LMX1A: variants seen among roughly 807,000 people sequenced by gnomAD.
The protein encoded by LMX1A is LIM homeobox transcription factor 1-alpha.
Under a neutral mutation model 49.1 loss-of-function variants are expected in LMX1A, and 15 were observed. The ratio of observed to expected loss-of-function variants is 0.31; its 90% CI spans 0.20 to 0.47. The LOEUF is 0.47. LMX1A is among the 20% of genes least tolerant of loss of function. The pLI is 1.00. For synonymous variants in LMX1A, 167 were observed against 185.7 expected (o/e 0.90, Z 0.82); for missense variants, 372 against 475.8 (o/e 0.78, Z 2.03).
intron 3 of LMX1A, among the ~76,000 whole-genome samples, chr1:165,257,014 C>G (rs1008765340): frequency 2.0e-5 from 3 of 151,732 alleles, no homozygotes; most frequent in African/African-American, 7.3e-5. Context: ...ATTGTTAGAA[C>G]ATATTTCAGC....
At chr1:165,275,377 T>C (rs1653933963) in intron 3 of LMX1A, among the ~76,000 whole-genome samples, 1 of 152,192 alleles carries the variant, frequency 6.6e-6, no homozygotes, top group Non-Finnish European at 1.5e-5. Context: ...AGTCTGGGCT[T>C]TGTTGGAGAG....
At chr1:165,290,759 T>G (rs1420015954) in intron 3 of LMX1A, among the ~76,000 whole-genome samples, 1 of 152,226 alleles carries the variant, frequency 6.6e-6, no homozygotes, top group Non-Finnish European at 1.5e-5. Context: ...AATGCGGTTC[T>G]CAAAGTGTAG....
chr1:165,216,153 T>G (rs1292871221), intron 4 of LMX1A: 1 of 152,164 alleles, frequency 6.6e-6, no homozygotes, highest in African/African-American at 2.4e-5. Flanking sequence ...TAAGCTGATC[T>G]CAGACATAAC....
At chr1:165,208,550 T>G (rs567158777) in intron 6 of LMX1A, among the ~76,000 whole-genome samples, 1 of 152,266 alleles carries the variant, frequency 6.6e-6, no homozygotes, top group Admixed American at 6.5e-5. Flanking sequence ...CCCTGTCTGC[T>G]GGCCCTTAAG....
intron 3 of LMX1A, among the ~76,000 whole-genome samples, chr1:165,303,024 A>C (rs1299767598): frequency 6.6e-6 from 1 of 152,206 alleles, no homozygotes; most frequent in Non-Finnish European, 1.5e-5. Context: ...CAATCATCTT[A>C]TTATATCTTT....
intron 3 of LMX1A, among the ~76,000 whole-genome samples, chr1:165,285,938 A>G (rs1288177255): frequency 6.6e-6 from 1 of 152,130 alleles, no homozygotes; most frequent in African/African-American, 2.4e-5. Flanking sequence ...AATTAGGAAA[A>G]TTATAGCTCC....
intron 3 of LMX1A, among the ~76,000 whole-genome samples, chr1:165,349,346 T>A (rs1192918273): frequency 6.6e-6 from 1 of 152,230 alleles, no homozygotes. Context: ...GGAACAACAG[T>A]TATATAAATA....
At chr1:165,324,475 T>C (rs576446385) in intron 3 of LMX1A, among the ~76,000 whole-genome samples, 85 of 152,264 alleles carry the variant, frequency 5.6e-4, no homozygotes, top group African/African-American at 1.8e-3. Flanking sequence ...AATTACTGAT[T>C]GAATACATCG....
intron 4 of LMX1A, among the ~76,000 whole-genome samples, chr1:165,215,357 C>A (rs1651604965): frequency 6.6e-6 from 1 of 152,142 alleles, no homozygotes; most frequent in African/African-American, 2.4e-5. Flanking sequence ...CAATTCTATG[C>A]CCAAATGATC....
chr1:165,307,590 A>G (rs1322378353), intron 3 of LMX1A, among the ~76,000 whole-genome samples: 1 of 152,224 alleles, frequency 6.6e-6, no homozygotes, highest in Non-Finnish European at 1.5e-5. Context: ...CAGTGCATAC[A>G]TGCTATACAT....
intron 3 of LMX1A, among the ~76,000 whole-genome samples, chr1:165,316,666 C>A (rs527480653): frequency 1.3e-5 from 2 of 152,180 alleles, no homozygotes; most frequent in Non-Finnish European, 2.9e-5. Flanking sequence ...AGTTAACATG[C>A]CCTCATTTTC....
intron 4 of LMX1A, among the ~76,000 whole-genome samples, chr1:165,220,313 T>A (rs975914695): frequency 6.6e-6 from 1 of 151,506 alleles, no homozygotes; most frequent in Non-Finnish European, 1.5e-5. Context: ...AAGAGGAGTA[T>A]CAATTAGCCA....
intron 4 of LMX1A, among the ~76,000 whole-genome samples, chr1:165,235,474 C>T (rs911575491): frequency 2.0e-5 from 3 of 152,256 alleles, no homozygotes; most frequent in Non-Finnish European, 4.4e-5. Flanking sequence ...AAAGCCCTCT[C>T]TCGCAGGCTG....
chr1:165,292,061 CAAAAAAAAAA>C (rs771664986), intron 3 of LMX1A, among the ~76,000 whole-genome samples: 2 of 82,542 alleles, frequency 2.4e-5, no homozygotes, highest in Non-Finnish European at 4.6e-5. Context: ...AACTCCGTCT[CAAAAAAAAAA>C]AAAAAAAAAA....
In LMX1A at chr1:165,203,811, A is replaced by T. The variant is rs911394057; in HGVS notation, c.*69T>A. 1.3e-6 allele frequency: 2 copies of T among 1,524,690 alleles called. No homozygotes were observed. The highest frequency in any genetic ancestry group is 1.7e-4 in the Middle Eastern group (1 of 5,822). 94.4% of individuals were successfully genotyped at this position (1,524,690 alleles called of 1,614,324 possible). A position where few individuals can be genotyped will look rare whatever the true frequency, so the allele number is the denominator to read the frequency against. ...CTCTTCCCTGGCCTCCCTGTCCTAA[A>T]GCCAGTGACCCCTCAAAGAATATGG... is the stretch of plus-strand genomic sequence containing the variant. On this transcript the variant is annotated 3_prime_UTR_variant, in exon 9 of 9. Coordinates refer to ENST00000342310, the MANE Select transcript of LMX1A (RefSeq NM_177398.4).
chr1:165,246,355 T>C (rs1214307874), intron 4 of LMX1A, among the ~76,000 whole-genome samples: 2 of 152,182 alleles, frequency 1.3e-5, no homozygotes, highest in Non-Finnish European at 2.9e-5. Context: ...AGATAAGATA[T>C]TTGATTCTGG....
intron 4 of LMX1A, among the ~76,000 whole-genome samples, chr1:165,241,690 A>G (rs1478447733): frequency 6.6e-6 from 1 of 152,250 alleles, no homozygotes; most frequent in African/African-American, 2.4e-5. Context: ...ATAATCCCAG[A>G]GAAGAGTTGG....
intron 3 of LMX1A, among the ~76,000 whole-genome samples, chr1:165,287,099 A>C (rs1300235403): frequency 7.9e-5 from 12 of 152,236 alleles, no homozygotes; most frequent in African/African-American, 2.9e-4. Flanking sequence ...AATAGGAAAC[A>C]TGGGAGCTTC....
chr1:165,286,679 A>G (rs1201907280), intron 3 of LMX1A, among the ~76,000 whole-genome samples: 1 of 152,164 alleles, frequency 6.6e-6, no homozygotes, highest in African/African-American at 2.4e-5. Context: ...GGTTATTGCT[A>G]TTAAGTGATT....
Sources: allele counts gnomAD v4.1 joint callset (sites outside exome capture counted in the v4.1 genomes callset), GRCh38; gene constraint gnomAD v4.1.1; transcripts MANE v1.5; gene names NCBI Gene and HGNC (gene_info 2026-07-23, HGNC 2026-07-21).